Variants in ZNF565 observed in about 807,000 individuals in gnomAD.
ZNF565 encodes the protein zinc finger protein 565.
In ZNF565, 27 loss-of-function variants were observed where a neutral mutation model predicts 39.4. That is an observed-to-expected ratio of 0.69 (90% confidence interval 0.51 to 0.95). The LOEUF is 0.95. Among genes scored for constraint, ZNF565 ranks in the 40% least tolerant of loss-of-function variants. The probability of loss-of-function intolerance (pLI) is 0.00; values close to 1 mark genes in which losing one functional copy is unlikely to be tolerated. For missense variants in ZNF565, 524 were observed against 621.1 expected (o/e 0.84, Z 1.66); for synonymous variants, 185 against 216.6 (o/e 0.85, Z 1.28).
At chr19:36,215,263 G>A (rs550396349), upstream of ZNF565, 1 of 152,454 alleles carries the variant, frequency 6.6e-6, no homozygotes, top group South Asian at 2.1e-4. Context: ...TGATCTTTAG[G>A]GGCGCGGCGC....
At chr19:36,244,565 A>G (rs187669245) in intron 1 of ZNF565, among the ~76,000 whole-genome samples, 1 of 151,914 alleles carries the variant, frequency 6.6e-6, no homozygotes, top group Non-Finnish European at 1.5e-5. Context: ...TTTTTTTTAA[A>G]AAGGAGGCTG....
intron 1 of ZNF565, among the ~76,000 whole-genome samples, chr19:36,232,846 A>G (rs1053363941): frequency 6.6e-6 from 1 of 152,096 alleles, no homozygotes; most frequent in Non-Finnish European, 1.5e-5. Context: ...TTGGCCCCAC[A>G]GTGCTGGGAT....
intron 1 of ZNF565, among the ~76,000 whole-genome samples, chr19:36,233,732 A>T (rs1280224010): frequency 1.3e-5 from 2 of 152,260 alleles, no homozygotes; most frequent in Non-Finnish European, 2.9e-5. Flanking sequence ...TGTTGCTGCC[A>T]GCATGTCCCA....
chr19:36,218,326 TG>T (rs1976698798), upstream of ZNF565: 1 of 152,088 alleles, frequency 6.6e-6, no homozygotes, highest in Non-Finnish European at 1.5e-5. Flanking sequence ...GTCCCCAGTG[TG>T]TAGTAAGTAC....
At position 36,244,068 on chromosome 19, in the gene ZNF565, G is replaced by C. The variant is rs576692860; in HGVS notation, c.55+1408C>G. Among the ~76,000 whole-genome samples, 168 of 152,004 alleles carry C rather than the reference G, an allele frequency of 1.1e-3. 1 individual carries two copies. The highest frequency in any genetic ancestry group is 3.9e-3 in the African/African-American group (160 of 41,480). ...CACCAAGAACAGCCCCAGTCATTAGGCTGCTCTGCCACTGCCGTAGCTGTC... is the reference window on the plus strand; with the variant it reads ...CACCAAGAACAGCCCCAGTCATTAGCCTGCTCTGCCACTGCCGTAGCTGTC... On this transcript the variant is annotated intron_variant, in intron 1 of 4. Transcript: ENST00000355114.
chr19:36,191,801 A>G (rs1480775136), intron 4 of ZNF565, among the ~76,000 whole-genome samples: 2 of 152,218 alleles, frequency 1.3e-5, no homozygotes, highest in East Asian at 3.8e-4. Flanking sequence ...GAAAATCAAC[A>G]TTAGACAAGT....
intron 4 of ZNF565, among the ~76,000 whole-genome samples, chr19:36,188,165 G>A (rs1975379808): frequency 6.6e-6 from 1 of 150,816 alleles, no homozygotes; most frequent in South Asian, 2.1e-4. Flanking sequence ...GCCCAGCCTG[G>A]CTAACACGGT....
Position 36,183,360 on chromosome 19 carries a change from C to G in ZNF565, c.606G>C (p.Lys202Asn). Residue 202 changes from lysine (K) to asparagine (N), a missense_variant, in exon 5 of 5, where the codon AAG becomes AAC. Transcript: ENST00000304116. ...CAAGGTGTGAGGCACGGCTGAAGGC[C>G]TTCCCACATTCCTTACATCCAAAGG... Reference protein sequence around the residue: ...EKPFGCKECGKAFSRASHLVQ... With the variant: ...EKPFGCKECGNAFSRASHLVQ... 1 of 1,614,146 alleles carries G rather than the reference C, an allele frequency of 6.2e-7. No homozygotes were observed.
At chr19:36,229,782 C>T (rs2145436625) in intron 1 of ZNF565, among the ~76,000 whole-genome samples, 1 of 152,312 alleles carries the variant, frequency 6.6e-6, no homozygotes, top group South Asian at 2.1e-4. Flanking sequence ...TGCAGTGGCA[C>T]AGTCTTGGCT....
intron 4 of ZNF565, among the ~76,000 whole-genome samples, chr19:36,186,214 C>T (rs1165123922): frequency 1.3e-5 from 2 of 152,126 alleles, no homozygotes; most frequent in African/African-American, 4.8e-5. Flanking sequence ...CTAGGCTGGT[C>T]TCCTGAACTC....
intron 1 of ZNF565, among the ~76,000 whole-genome samples, chr19:36,227,712 G>A (rs1324306902): frequency 2.6e-5 from 4 of 152,140 alleles, no homozygotes; most frequent in East Asian, 1.9e-4. Context: ...ACACCATTGC[G>A]CCCAGCTAAT....
rs367858574 is a variant in ZNF565, at chr19:36,195,101, C to A, written c.65G>T (p.Cys22Phe). ...AIEFSLEEWK[C>F]LEPAQRDLYR... ...CAAGTCCCTCTGAGCAGGTTCCAGG[C>A]ACTTCCATTCTTCCAGAGAGAACTC... The change falls in exon 3 of 5, where the codon TGC becomes TTC. Residue 22 changes from cysteine to phenylalanine, a missense_variant. Coordinates refer to ENST00000304116, the MANE Select transcript of ZNF565 (RefSeq NM_152477.5). 2 of 1,614,186 alleles carry A rather than the reference C, an allele frequency of 1.2e-6. No homozygotes were observed. The highest frequency in any genetic ancestry group is 1.7e-6 in the Non-Finnish European group (2 of 1,180,036).
At chr19:36,204,554 A>G (rs374862479) in intron 1 of ZNF565, among the ~76,000 whole-genome samples, 20 of 152,344 alleles carry the variant, frequency 1.3e-4, no homozygotes, top group African/African-American at 4.3e-4. Context: ...GTAGTCATAG[A>G]TGGCTATTGA....
At chr19:36,233,909 C>CT (rs559983431) in intron 1 of ZNF565, among the ~76,000 whole-genome samples, 331 of 147,652 alleles carry the variant, frequency 2.2e-3, no homozygotes, top group Non-Finnish European at 4.0e-3. Context: ...AGCACAGACC[C>CT]TTTACGGGTG....
Position 36,194,288 on chromosome 19 carries a change from C to T in ZNF565, c.177G>A (p.Glu59=), listed in dbSNP as rs1568415296. The T allele has an allele frequency of 1.9e-6, 3 of 1,612,954 alleles. No homozygotes were observed. Among genetic ancestry groups the T allele is most frequent in the Non-Finnish European group, 2.5e-6 (3 of 1,179,524 alleles). ...ISKPDVVSLL[E]QGKEPWMIAN... is the part of the protein sequence containing the mutation. ...CAATCATCCAGGGCTCTTTCCCTTGCTCCAATAAGGAGACGACATCAGGCT... is the reference window on the plus strand; with the variant it reads ...CAATCATCCAGGGCTCTTTCCCTTGTTCCAATAAGGAGACGACATCAGGCT... Residue 59 remains glutamate (E), a synonymous_variant, in exon 4 of 5, where the codon GAG becomes GAA. Transcript: ENST00000304116.
chr19:36,216,233 A>G (rs1377531562), upstream of ZNF565, among the ~76,000 whole-genome samples: 1 of 152,236 alleles, frequency 6.6e-6, no homozygotes, highest in African/African-American at 2.4e-5. Context: ...TTAAAGGTTC[A>G]GAACTATTAG....
intron 1 of ZNF565, among the ~76,000 whole-genome samples, chr19:36,212,294 C>T (rs1217586656): frequency 6.6e-6 from 1 of 151,984 alleles, no homozygotes. Context: ...AAAAAATTGG[C>T]TAGGCGTGTC....
intron 1 of ZNF565, among the ~76,000 whole-genome samples, chr19:36,211,449 T>TCTCACACACA (rs1229625965): frequency 4.7e-4 from 65 of 137,774 alleles, no homozygotes; most frequent in African/African-American, 1.2e-3. Flanking sequence ...CAACTCTCTC[T>TCTCACACACA]CACACACACA....
At chr19:36,199,983 T>C (rs1482897110) in intron 2 of ZNF565, among the ~76,000 whole-genome samples, 5 of 151,792 alleles carry the variant, frequency 3.3e-5, no homozygotes, top group African/African-American at 4.8e-5. Flanking sequence ...ATGATGGTTA[T>C]ATCTATCAAC....
Sources: allele counts gnomAD v4.1 joint callset (sites outside exome capture counted in the v4.1 genomes callset), GRCh38; gene constraint gnomAD v4.1.1; transcripts MANE v1.5; gene names NCBI Gene and HGNC (gene_info 2026-07-23, HGNC 2026-07-21).